LIPA: variants seen among roughly 807,000 people sequenced by gnomAD.
LIPA encodes lipase A, lysosomal acid type, also known as lysosomal acid lipase/cholesteryl ester hydrolase.
LIPA carries 26 observed loss-of-function variants against 40.6 expected under a neutral mutation model. The observed-to-expected ratio is 0.64, with a 90% CI of 0.47 to 0.89. LIPA has a LOEUF of 0.89. Among genes scored for constraint, LIPA ranks in the 40% least tolerant of loss-of-function variants. The probability of loss-of-function intolerance (pLI) is 0.00; values close to 1 mark genes in which losing one functional copy is unlikely to be tolerated. For missense variants in LIPA, 455 were observed against 479.6 expected (o/e 0.95, Z 0.48); for synonymous variants, 188 against 168.4 (o/e 1.12, Z -0.90).
chr10:89,258,948 A>G (rs1163220378), intron 1 of LIPA, among the ~76,000 whole-genome samples: 1 of 152,210 alleles, frequency 6.6e-6, no homozygotes, highest in South Asian at 2.1e-4. Flanking sequence ...TTAAAAAGCC[A>G]CTCAAAAAAG....
At chr10:89,344,485 T>C (rs930998402), upstream of LIPA, among the ~76,000 whole-genome samples, 1 of 152,146 alleles carries the variant, frequency 6.6e-6, no homozygotes, top group Non-Finnish European at 1.5e-5. Context: ...ATGATGGGGC[T>C]ACACATGCCT....
chr10:89,391,281 A>G (rs1446913146), intron 2 of LIPA, among the ~76,000 whole-genome samples: 2 of 152,096 alleles, frequency 1.3e-5, no homozygotes, highest in African/African-American at 2.4e-5. Context: ...TGGTGTGACC[A>G]TGGCTCACTG....
chr10:89,340,635 C>A (rs1247030200), intron 1 of LIPA: 1 of 150,020 alleles, frequency 6.7e-6, no homozygotes, highest in Non-Finnish European at 1.5e-5. Context: ...GTCCGAAGGT[C>A]TTACAACTAA....
chr10:89,408,594 C>T (rs1221674427), intron 2 of LIPA, among the ~76,000 whole-genome samples: 1 of 152,150 alleles, frequency 6.6e-6, no homozygotes, highest in African/African-American at 2.4e-5. Flanking sequence ...GAATTTGGCC[C>T]AACCTGGGTA....
At chr10:89,362,903 A>G (rs990845514) in intron 2 of LIPA, 30 of 277,286 alleles carry the variant, frequency 1.1e-4, no homozygotes, top group African/African-American at 6.4e-4. Context: ...GTAATGAGAC[A>G]TTTTCTCTGC....
intron 2 of LIPA, among the ~76,000 whole-genome samples, chr10:89,398,106 G>A (rs565546863): frequency 1.3e-5 from 2 of 152,262 alleles, no homozygotes; most frequent in South Asian, 4.1e-4. Context: ...GGATCAGTCA[G>A]AGTGACGGGA....
intron 1 of LIPA, among the ~76,000 whole-genome samples, chr10:89,277,377 G>A (rs1843293801): frequency 6.6e-6 from 1 of 152,212 alleles, no homozygotes; most frequent in Non-Finnish European, 1.5e-5. Context: ...TGTTTCAGAG[G>A]TTAAACACAT....
At chr10:89,248,345 A>G (rs902416138) in intron 1 of LIPA, among the ~76,000 whole-genome samples, 2 of 144,974 alleles carry the variant, frequency 1.4e-5, no homozygotes, top group African/African-American at 5.1e-5. Context: ...TATTTTTAGT[A>G]GAGACAGGGT....
At position 89,248,167 on chromosome 10, in the gene LIPA, G is replaced by C. The variant is rs1196410855; in HGVS notation, c.-1-518C>G. ...GGCGTGAGCCACCGCGCCTGCCCAG[G>C]AATTTTTTTTTTTTTTCGGAGTCTC... On this transcript the variant is annotated intron_variant, in intron 1 of 9. Coordinates refer to ENST00000336233, the MANE Select transcript of LIPA (RefSeq NM_000235.4). Among the ~76,000 whole-genome samples the C allele has an allele frequency of 3.5e-5, 5 of 144,684 alleles. No individual in the cohort carries two copies. In the East Asian group the frequency reaches 1.0e-3, roughly 30 times the overall value. The allele number at this position is 144,684 out of a possible 152,430, so 94.9% of individuals were successfully genotyped here.
At chr10:89,250,412 G>A (rs1191373047) in intron 1 of LIPA, among the ~76,000 whole-genome samples, 1 of 152,116 alleles carries the variant, frequency 6.6e-6, no homozygotes, top group Non-Finnish European at 1.5e-5. Flanking sequence ...CGTGAACTCT[G>A]AACAGGAGCA....
At chr10:89,313,239 G>C (rs1017731092) in intron 1 of LIPA, among the ~76,000 whole-genome samples, 1 of 152,182 alleles carries the variant, frequency 6.6e-6, no homozygotes, top group Non-Finnish European at 1.5e-5. Flanking sequence ...AAGGCCTGTA[G>C]TCTGTAAACT....
intron 2 of LIPA, among the ~76,000 whole-genome samples, chr10:89,394,313 ATATCAT>A (rs1230815186): frequency 6.6e-6 from 1 of 152,146 alleles, no homozygotes; most frequent in Non-Finnish European, 1.5e-5. Context: ...GTGGACTAAA[ATATCAT>A]TATGCAGTGC....
chr10:89,221,296 A>G (rs1318804139), intron 8 of LIPA, among the ~76,000 whole-genome samples: 1 of 152,152 alleles, frequency 6.6e-6, no homozygotes, highest in Non-Finnish European at 1.5e-5. Context: ...CGGAGGTTGC[A>G]GTGAGCCAAG....
At chr10:89,333,465 C>A (rs1843681357) in intron 1 of LIPA, among the ~76,000 whole-genome samples, 1 of 151,974 alleles carries the variant, frequency 6.6e-6, no homozygotes, top group South Asian at 2.1e-4. Context: ...AGGCTTCCTG[C>A]ATTGTATGTG....
In LIPA at chr10:89,225,080, G is replaced by T; in HGVS notation, c.675+12C>A. ...TGCGGGGAGAGGAGAGGGATGGGAG[G>T]GGTCCAAGTACCTTAATGAGATGAT... On this transcript the variant is annotated intron_variant, in intron 6 of 9. Transcript: ENST00000336233. The T allele has an allele frequency of 6.2e-7, 1 of 1,613,604 alleles. No homozygotes were observed.
chr10:89,313,540 A>G (rs1483116705), intron 1 of LIPA, among the ~76,000 whole-genome samples: 2 of 152,256 alleles, frequency 1.3e-5, no homozygotes, highest in African/African-American at 4.8e-5. Context: ...ATTCCTAGAT[A>G]CATATGTAAG....
chr10:89,316,976 A>T (rs1417221494), intron 1 of LIPA, among the ~76,000 whole-genome samples: 1 of 152,268 alleles, frequency 6.6e-6, no homozygotes, highest in Admixed American at 6.5e-5. Flanking sequence ...AGCAAACTCC[A>T]ACAGACCTGC....
chr10:89,309,884 G>A (rs1458412444), intron 1 of LIPA, among the ~76,000 whole-genome samples: 2 of 152,142 alleles, frequency 1.3e-5, no homozygotes, highest in East Asian at 3.8e-4. Context: ...ATTTCCCGGG[G>A]CAGGACATTT....
chr10:89,226,027 A>G (rs1842765947), intron 5 of LIPA, among the ~76,000 whole-genome samples: 3 of 152,150 alleles, frequency 2.0e-5, no homozygotes, highest in Admixed American at 2.0e-4. Flanking sequence ...AGTCTCGGGT[A>G]TGTCTTTAGT....
Sources: allele counts gnomAD v4.1 joint callset (sites outside exome capture counted in the v4.1 genomes callset), GRCh38; gene constraint gnomAD v4.1.1; transcripts MANE v1.5; gene names NCBI Gene and HGNC (gene_info 2026-07-23, HGNC 2026-07-21).